The following ZNF385D variants were observed in gnomAD, a reference collection of about 807,000 sequenced individuals.
ZNF385D encodes zinc finger protein 385D, also known as zinc finger protein 659.
ZNF385D carries 15 observed loss-of-function variants against 35.8 expected under a neutral mutation model. The observed-to-expected ratio is 0.42, with a 90% CI of 0.28 to 0.64. ZNF385D has a LOEUF of 0.64. Among genes scored for constraint, ZNF385D ranks in the 30% least tolerant of loss-of-function variants. The probability of loss-of-function intolerance (pLI) is 0.23; values close to 1 mark genes in which losing one functional copy is unlikely to be tolerated. For synonymous variants in ZNF385D, 212 were observed against 186.8 expected, an observed-to-expected ratio of 1.13 and a Z score of -1.10; for missense variants, 474 against 494.6, an observed-to-expected ratio of 0.96 and a Z score of 0.39.
chr3:21,994,052 C>G (rs551055921), intron 3 of ZNF385D, among the ~76,000 whole-genome samples: 1 of 152,264 alleles, frequency 6.6e-6, no homozygotes, highest in South Asian at 2.1e-4. Context: ...AGCATAAGCC[C>G]AAACCTACAC....
rs139538286 is a variant in ZNF385D, at chr3:22,235,801, G to C, written c.107-66766C>G. 5.1e-4 allele frequency among the ~76,000 whole-genome samples: 77 copies of C among 152,202 alleles called. No homozygotes were observed. The East Asian group carries it at 0.013, about 25-fold the overall frequency. ...GAAAAAACAAATTCTCACATAGTCTGGGAGGAGTGCAAATTGGTACTATCT... is the reference window on the plus strand; with the variant it reads ...GAAAAAACAAATTCTCACATAGTCTCGGAGGAGTGCAAATTGGTACTATCT... On this transcript the variant is annotated intron_variant, in intron 2 of 5. Coordinates refer to the ZNF385D transcript ENST00000494108.
chr3:22,085,144 C>T (rs565478225), intron 3 of ZNF385D, among the ~76,000 whole-genome samples: 1 of 151,846 alleles, frequency 6.6e-6, no homozygotes, highest in East Asian at 1.9e-4. Flanking sequence ...AAATCGACAC[C>T]CTAACATCAC....
chr3:21,606,415 C>G (rs907963031), intron 2 of ZNF385D, among the ~76,000 whole-genome samples: 1 of 152,184 alleles, frequency 6.6e-6, no homozygotes, highest in Non-Finnish European at 1.5e-5. Flanking sequence ...AGTGCCCTGA[C>G]TGATCCACAG....
chr3:21,771,951 C>G (rs757758232), intron 3 of ZNF385D, among the ~76,000 whole-genome samples: 1 of 151,882 alleles, frequency 6.6e-6, no homozygotes, highest in Non-Finnish European at 1.5e-5. Context: ...TTACTTTTGA[C>G]AAGGGTGGTA....
At chr3:21,640,724 A>G (rs1275050139) in intron 2 of ZNF385D, among the ~76,000 whole-genome samples, 7 of 152,114 alleles carry the variant, frequency 4.6e-5, no homozygotes, top group Admixed American at 3.9e-4. Flanking sequence ...TAAACCGCCC[A>G]TTCTATGGTA....
At chr3:22,144,745 TAAGC>T (rs1459057071) in intron 3 of ZNF385D, among the ~76,000 whole-genome samples, 4 of 152,080 alleles carry the variant, frequency 2.6e-5, no homozygotes, top group South Asian at 2.1e-4. Context: ...TTCAAGTAAA[TAAGC>T]AAGTTCATAT....
intron 3 of ZNF385D, among the ~76,000 whole-genome samples, chr3:21,887,148 T>C (rs1480918817): frequency 6.6e-6 from 1 of 152,110 alleles, no homozygotes; most frequent in African/African-American, 2.4e-5. Context: ...TTTGAGAAAT[T>C]TGTATGAGGA....
intron 3 of ZNF385D, among the ~76,000 whole-genome samples, chr3:21,560,943 C>T (rs767559607): frequency 1.1e-4 from 16 of 152,178 alleles, no homozygotes; most frequent in Non-Finnish European, 1.6e-4. Flanking sequence ...TTTGTTTACA[C>T]TGTGAGGGTA....
At chr3:21,612,529 G>A (rs1444538294) in intron 2 of ZNF385D, among the ~76,000 whole-genome samples, 2 of 152,338 alleles carry the variant, frequency 1.3e-5, no homozygotes, top group African/African-American at 4.8e-5. Context: ...ATTTAACTAT[G>A]TATACTACCT....
chr3:22,258,725 C>G (rs1418181475), intron 2 of ZNF385D, among the ~76,000 whole-genome samples: 3 of 151,354 alleles, frequency 2.0e-5, no homozygotes, highest in Admixed American at 1.3e-4. Context: ...AATGAAAACT[C>G]AAATTGTTAA....
chr3:22,247,549 TAAAG>T (rs1047647119), intron 2 of ZNF385D, among the ~76,000 whole-genome samples: 2 of 152,068 alleles, frequency 1.3e-5, no homozygotes, highest in African/African-American at 4.8e-5. Flanking sequence ...TCACACAAAT[TAAAG>T]AGTCTTTGAT....
intron 3 of ZNF385D, among the ~76,000 whole-genome samples, chr3:21,872,753 C>T (rs991807293): frequency 2.0e-5 from 3 of 152,068 alleles, no homozygotes; most frequent in African/African-American, 4.8e-5. Flanking sequence ...AAAAACATAA[C>T]AATCTGTCTT....
rs148607899 is a variant in ZNF385D, at chr3:22,215,200, C to T, written c.107-46165G>A. On this transcript the variant is annotated intron_variant, in intron 2 of 5. Transcript: ENST00000494108. Reference sequence around the variant, plus strand: ...GTCTTTCTTAACTGCACAAATTGTTCGTACAGCATGCGTGTTTGAACAATA... The same window carrying T: ...GTCTTTCTTAACTGCACAAATTGTTTGTACAGCATGCGTGTTTGAACAATA... Among the ~76,000 whole-genome samples, 681 of 151,982 alleles carry T rather than the reference C, an allele frequency of 4.5e-3. 9 individuals carry two copies. Among genetic ancestry groups the T allele is most frequent in the African/African-American group, 0.015 (632 of 41,486 alleles).
chr3:22,046,731 G>T, intron 3 of ZNF385D, among the ~76,000 whole-genome samples: 1 of 152,104 alleles, frequency 6.6e-6, no homozygotes, highest in Non-Finnish European at 1.5e-5. Context: ...GTAGAGTTGA[G>T]TGTCATCTTG....
chr3:21,845,737 T>C (rs1254139916), intron 3 of ZNF385D, among the ~76,000 whole-genome samples: 1 of 152,018 alleles, frequency 6.6e-6, no homozygotes, highest in Non-Finnish European at 1.5e-5. Flanking sequence ...CTTAAAAGTC[T>C]TGATTACTAG....
chr3:21,444,463 C>T (rs901169291), intron 4 of ZNF385D, among the ~76,000 whole-genome samples: 1 of 148,052 alleles, frequency 6.8e-6, no homozygotes, highest in Non-Finnish European at 1.5e-5. Flanking sequence ...CGGCTCACTG[C>T]AAGCTCCATC....
intron 3 of ZNF385D, among the ~76,000 whole-genome samples, chr3:21,876,630 C>A (rs1221542127): frequency 6.6e-6 from 1 of 151,702 alleles, no homozygotes; most frequent in Non-Finnish European, 1.5e-5. Context: ...AACAGAACAG[C>A]TTTTCCATAA....
chr3:21,731,440 G>A (rs146362076), intron 1 of ZNF385D, among the ~76,000 whole-genome samples: 18 of 152,168 alleles, frequency 1.2e-4, no homozygotes, highest in African/African-American at 2.2e-4. Flanking sequence ...AGCCTGTCCC[G>A]TTACCAACAT....
intron 5 of ZNF385D, 93 bp from the exon 6 acceptor site, chr3:21,425,763 G>C (rs1700992601): frequency 1.7e-6 from 2 of 1,181,250 alleles, no homozygotes; most frequent in Admixed American, 3.1e-5. Flanking sequence ...ATCTTAGCTA[G>C]TATATACCTT....
Sources: allele counts gnomAD v4.1 joint callset (sites outside exome capture counted in the v4.1 genomes callset), GRCh38; gene constraint gnomAD v4.1.1; transcripts MANE v1.5; gene names NCBI Gene and HGNC (gene_info 2026-07-23, HGNC 2026-07-21).